HK1: variants seen among roughly 807,000 people sequenced by gnomAD.
The protein encoded by HK1 is hexokinase-1.
A neutral mutation model predicts 91.6 loss-of-function variants in HK1; 28 were observed. The ratio of observed to expected loss-of-function variants is 0.31; its 90% confidence interval spans 0.23 to 0.42. HK1 has a LOEUF of 0.42. HK1 is among the 10% of genes least tolerant of loss of function. The pLI is 1.00. For missense variants in HK1, 770 were observed against 1,219.8 expected (o/e 0.63, Z 5.49); for synonymous variants, 430 against 468.1 (o/e 0.92, Z 1.05).
chr10:69,332,610 C>T (rs891599639), intron 1 of HK1, among the ~76,000 whole-genome samples: 1 of 151,882 alleles, frequency 6.6e-6, no homozygotes, highest in Non-Finnish European at 1.5e-5. Context: ...TTGAACTGGC[C>T]AAGTGATCCA....
intron 4 of HK1, chr10:69,300,503 A>G (rs1564764341): frequency 3.8e-6 from 3 of 785,864 alleles, no homozygotes; most frequent in Non-Finnish European, 6.4e-6. Flanking sequence ...ATGCCAGCTG[A>G]GACTGTCAGT....
At chr10:69,376,444 C>T (rs1394181957) in intron 7 of HK1, among the ~76,000 whole-genome samples, 1 of 152,118 alleles carries the variant, frequency 6.6e-6, no homozygotes, top group Non-Finnish European at 1.5e-5. Context: ...GTTGAGGCTG[C>T]AGAGAGTCGA....
upstream of HK1, among the ~76,000 whole-genome samples, chr10:69,313,441 GATTTT>G (rs1424104792): frequency 6.6e-6 from 1 of 152,150 alleles, no homozygotes. Flanking sequence ...CTGAAATCTA[GATTTT>G]ATTTTATTTA....
At chr10:69,395,899 A>T (rs1840112581) in intron 16 of HK1, among the ~76,000 whole-genome samples, 1 of 152,134 alleles carries the variant, frequency 6.6e-6, no homozygotes, top group Non-Finnish European at 1.5e-5. Flanking sequence ...TGTGAGAAGG[A>T]GGAAAAAAGG....
At chr10:69,287,789 A>T (rs567773110) in intron 2 of HK1, among the ~76,000 whole-genome samples, 2 of 152,268 alleles carry the variant, frequency 1.3e-5, no homozygotes, top group South Asian at 4.1e-4. Flanking sequence ...AATCACATAT[A>T]AATAATGTGT....
intron 7 of HK1, among the ~76,000 whole-genome samples, chr10:69,372,171 G>A (rs1057079202): frequency 1.6e-4 from 25 of 152,282 alleles, no homozygotes; most frequent in African/African-American, 6.0e-4. Context: ...GAATTGCGTG[G>A]GAAAGACTTG....
intron 1 of HK1, among the ~76,000 whole-genome samples, chr10:69,328,787 C>T (rs1419638669): frequency 6.6e-6 from 1 of 152,210 alleles, no homozygotes; most frequent in Non-Finnish European, 1.5e-5. Context: ...TACCCGTTAG[C>T]AGTCACTTCC....
At position 69,392,106 on chromosome 10, in the gene HK1, GC is replaced by G. The variant is rs770340959; in HGVS notation, c.2036-14del. Reference sequence around the variant, plus strand: ...AAATGCAAGGCCACCGCTCCTCATTGCCCCCTCGTGTGTTCCAGGGACCGGC... The same window carrying G: ...AAATGCAAGGCCACCGCTCCTCATTGCCCCTCGTGTGTTCCAGGGACCGGC... On this transcript the variant is annotated intron_variant, in intron 14 of 17. Transcript: ENST00000359426. The G allele has an allele frequency of 2.5e-6, 4 of 1,613,968 alleles. No individual in the cohort carries two copies. The highest frequency in any genetic ancestry group is 2.5e-6 in the Non-Finnish European group (3 of 1,179,952).
At chr10:69,284,369 G>A (rs1844913022) in intron 2 of HK1, among the ~76,000 whole-genome samples, 1 of 152,186 alleles carries the variant, frequency 6.6e-6, no homozygotes, top group Non-Finnish European at 1.5e-5. Context: ...CAGACAGGAA[G>A]TATTCAATAA....
chr10:69,365,352 G>T lies in HK1; in HGVS notation c.495+450G>T, dbSNP rs1009784887. ...GCTGATCAGTGGCTCCAGCCCCAGGGATGCCCTTGGCGACCTCCGAGGTGA... is the reference window on the plus strand; with the variant it reads ...GCTGATCAGTGGCTCCAGCCCCAGGTATGCCCTTGGCGACCTCCGAGGTGA... On this transcript the variant is annotated intron_variant, in intron 4 of 17. Transcript: ENST00000359426. 2.0e-5 allele frequency among the ~76,000 whole-genome samples: 3 copies of T among 151,768 alleles called. No homozygotes were observed. In the East Asian group the frequency reaches 5.8e-4, roughly 29 times the overall value.
chr10:69,319,106 C>A, intron 1 of HK1, 96 bp downstream of exon 1: 2 of 1,400,868 alleles, frequency 1.4e-6, no homozygotes, highest in South Asian at 2.5e-5. Context: ...CGGCGCCCGG[C>A]CTTCTCCGGG....
At chr10:69,276,118 A>AAAAAAAAAAAATATAT in intron 1 of HK1, among the ~76,000 whole-genome samples, 1 of 38,272 alleles carries the variant, frequency 2.6e-5, no homozygotes, top group African/African-American at 7.5e-5. Flanking sequence ...AAAAAAAAAA[A>AAAAAAAAAAAATATAT]ATACATATAT....
chr10:69,330,958 C>T (rs1035925247), intron 1 of HK1, among the ~76,000 whole-genome samples: 1 of 151,786 alleles, frequency 6.6e-6, no homozygotes, highest in Admixed American at 6.6e-5. Flanking sequence ...CGGCTCACTG[C>T]AGCCTCCACC....
At chr10:69,296,163 G>A (rs1301601429) in intron 4 of HK1, 3 of 188,300 alleles carry the variant, frequency 1.6e-5, no homozygotes, top group South Asian at 2.3e-4. Flanking sequence ...AGTTTCCTGC[G>A]CTGTTTGTGC....
At chr10:69,340,926 C>T (rs1280347542) in intron 1 of HK1, among the ~76,000 whole-genome samples, 4 of 152,094 alleles carry the variant, frequency 2.6e-5, no homozygotes, top group African/African-American at 4.8e-5. Flanking sequence ...CCCTCCCCTT[C>T]GGACTTCACA....
At chr10:69,309,189 T>C (rs11813750) in intron 5 of HK1, among the ~76,000 whole-genome samples, 3,017 of 151,022 alleles carry the variant, frequency 0.02, 112 homozygotes, top group African/African-American at 0.069. Context: ...TTCTTTCTTT[T>C]TTTTTTTTTT....
chr10:69,352,079 G>A (rs918592738), intron 2 of HK1, among the ~76,000 whole-genome samples: 3 of 150,938 alleles, frequency 2.0e-5, no homozygotes, highest in African/African-American at 4.9e-5. Flanking sequence ...TACAACCTCC[G>A]CCTCCTGGGT....
chr10:69,399,838 C>A (rs921797751), intron 17 of HK1, among the ~76,000 whole-genome samples: 1 of 152,072 alleles, frequency 6.6e-6, no homozygotes, highest in Non-Finnish European at 1.5e-5. Context: ...TAGGACCATC[C>A]CAGATAAATG....
chr10:69,386,108 A>ATT (rs3086686), intron 12 of HK1, among the ~76,000 whole-genome samples: 82,566 of 151,528 alleles, frequency 0.54, 22,771 homozygotes, highest in East Asian at 0.64. Flanking sequence ...AATGTGCCTC[A>ATT]TGCTCCATCT....
Sources: gnomAD v4.1 joint callset for allele counts (sites outside exome capture counted in the v4.1 genomes callset) on GRCh38, gnomAD v4.1.1 for gene constraint, MANE v1.5 for transcripts, NCBI Gene and HGNC (gene_info 2026-07-23, HGNC 2026-07-21) for gene names.